The following IL1RAPL1 variants were observed in gnomAD, a reference collection of about 807,000 sequenced individuals.
IL1RAPL1 encodes interleukin 1 receptor accessory protein like 1.
IL1RAPL1 carries 3 observed loss-of-function variants against 48.4 expected under a neutral mutation model. That is an observed-to-expected ratio of 0.06 (90% confidence interval 0.03 to 0.16). The LOEUF (loss-of-function observed/expected upper bound fraction) is 0.16. IL1RAPL1 is among the 10% of genes least tolerant of loss of function. IL1RAPL1 has a pLI of 1.00. For missense variants in IL1RAPL1, 349 were observed against 530.6 expected (o/e 0.66, Z 3.36); for synonymous variants, 185 against 187.7 (o/e 0.99, Z 0.12).
At chrX:28,912,188 A>C (rs772441789) in intron 2 of IL1RAPL1, among the ~76,000 whole-genome samples, 6 of 109,488 alleles carry the variant, frequency 5.5e-5, no homozygotes, top group Non-Finnish European at 9.5e-5. Flanking sequence ...AGGCAATTCA[A>C]GAAAAAGAGC....
At chrX:29,019,735 C>T (rs972644085) in intron 2 of IL1RAPL1, among the ~76,000 whole-genome samples, 1 of 111,969 alleles carries the variant, frequency 8.9e-6, no homozygotes, top group African/African-American at 3.2e-5. Flanking sequence ...GTGAATGGCT[C>T]CCCAAATTTT....
chrX:29,237,434 G>A (rs185487801), intron 2 of IL1RAPL1, among the ~76,000 whole-genome samples: 289 of 112,454 alleles, frequency 2.6e-3, no homozygotes, highest in African/African-American at 8.3e-3. Context: ...TGTCAACATG[G>A]GACCCCAGTG....
intron 3 of IL1RAPL1, among the ~76,000 whole-genome samples, chrX:29,394,874 A>C (rs755144418): frequency 8.9e-6 from 1 of 112,181 alleles, no homozygotes; most frequent in East Asian, 2.8e-4. Flanking sequence ...ATAAAGAACC[A>C]TCTAATTTTG....
At chrX:29,125,554 G>A (rs777241801) in intron 2 of IL1RAPL1, among the ~76,000 whole-genome samples, 1 of 111,932 alleles carries the variant, frequency 8.9e-6, no homozygotes, top group African/African-American at 3.2e-5. Flanking sequence ...TTTTGAAAGA[G>A]TTCAGTGATG....
At chrX:29,634,824 CAG>C (rs748879426) in intron 5 of IL1RAPL1, among the ~76,000 whole-genome samples, 8 of 111,840 alleles carry the variant, frequency 7.2e-5, no homozygotes, top group Non-Finnish European at 1.3e-4. Context: ...TTGTAAAAGA[CAG>C]AGATTTTTTA....
rs1190961270 is a variant in IL1RAPL1, at chrX:29,802,979, A to G, written c.779-114485A>G. 8.7e-5 allele frequency among the ~76,000 whole-genome samples: 7 copies of G among 80,475 alleles called. 1 individual carries two copies. The highest frequency in any genetic ancestry group is 4.0e-4 in the East Asian group (1 of 2,523). The allele number at this position is 80,475 out of a possible 115,157, so 69.9% of individuals were successfully genotyped here. A position where few individuals can be genotyped will look rare whatever the true frequency, so the allele number is the denominator to read the frequency against. ...TGTATACATGTGTACATATATACATACATGTGTACATATATATGTATGCAT... is the reference window on the plus strand; with the variant it reads ...TGTATACATGTGTACATATATACATGCATGTGTACATATATATGTATGCAT... On this transcript the variant is annotated intron_variant, in intron 6 of 10. Coordinates refer to ENST00000378993, the MANE Select transcript of IL1RAPL1 (RefSeq NM_014271.4).
chrX:28,693,656 A>G (rs1381564573), intron 1 of IL1RAPL1, among the ~76,000 whole-genome samples: 1 of 112,166 alleles, frequency 8.9e-6, no homozygotes, highest in Non-Finnish European at 1.9e-5. Context: ...ATTTTCTTCT[A>G]CTGAATTGAG....
intron 6 of IL1RAPL1, among the ~76,000 whole-genome samples, chrX:29,695,107 G>A (rs533713083): frequency 1.8e-5 from 2 of 111,783 alleles, no homozygotes; most frequent in South Asian, 7.5e-4. Context: ...TCACCTTTAG[G>A]TCTAACTATG....
At chrX:29,350,613 C>T (rs1424950064) in intron 3 of IL1RAPL1, among the ~76,000 whole-genome samples, 2 of 24 alleles carry the variant, frequency 0.083, no homozygotes, top group Admixed American at 0.5. Context: ...CGTGTGCATG[C>T]GTGCACACCA....
At chrX:28,622,207 T>C (rs1341586537) in intron 1 of IL1RAPL1, among the ~76,000 whole-genome samples, 1 of 112,231 alleles carries the variant, frequency 8.9e-6, no homozygotes, top group Non-Finnish European at 1.9e-5. Flanking sequence ...ATGATTTTGA[T>C]GATCTAGAAT....
intron 1 of IL1RAPL1, among the ~76,000 whole-genome samples, chrX:28,687,815 G>C (rs1461630428): frequency 1.9e-5 from 2 of 105,236 alleles, no homozygotes; most frequent in Non-Finnish European, 3.9e-5. Flanking sequence ...TAAAATATGG[G>C]GGCAGGGGGT....
chrX:29,084,911 C>G lies in IL1RAPL1; in HGVS notation c.83-198027C>G, dbSNP rs1467075580. On this transcript the variant is annotated intron_variant, in intron 2 of 10. Transcript: ENST00000378993. The stretch of plus-strand genomic sequence containing the variant: ...TTTCGCCATGTTGGGCAGGCTGGTC[C>G]CGAACTCCTGACCTCAGGTGATCCA... Among the ~76,000 whole-genome samples, 8 of 111,571 alleles carry G rather than the reference C, an allele frequency of 7.2e-5. No individual in the cohort carries two copies. In the Admixed American group the frequency reaches 7.6e-4, roughly 11 times the overall value.
chrX:29,236,592 AC>A (rs1931308640), intron 2 of IL1RAPL1, among the ~76,000 whole-genome samples: 1 of 82,546 alleles, frequency 1.2e-5, no homozygotes, highest in Non-Finnish European at 2.1e-5. Flanking sequence ...TTGCTCTGTC[AC>A]CCAGGCTGGA....
At chrX:29,034,442 T>C (rs1325865904) in intron 2 of IL1RAPL1, among the ~76,000 whole-genome samples, 1 of 112,216 alleles carries the variant, frequency 8.9e-6, no homozygotes, top group East Asian at 2.8e-4. Context: ...TACTTGTTTT[T>C]AACTTAAGCT....
intron 2 of IL1RAPL1, among the ~76,000 whole-genome samples, chrX:29,266,868 GT>G (rs980381287): frequency 2.7e-5 from 3 of 111,441 alleles, no homozygotes; most frequent in Admixed American, 9.6e-5. Flanking sequence ...TAAGCCTTTT[GT>G]TTATACTCAG....
chrX:28,990,313 A>G (rs1313756410), intron 2 of IL1RAPL1, among the ~76,000 whole-genome samples: 1 of 112,015 alleles, frequency 8.9e-6, no homozygotes, highest in African/African-American at 3.2e-5. Context: ...GAACATATCT[A>G]GAATAAGCTT....
chrX:29,181,609 AC>A (rs981187709), intron 2 of IL1RAPL1, among the ~76,000 whole-genome samples: 8 of 111,881 alleles, frequency 7.2e-5, no homozygotes, highest in African/African-American at 2.6e-4. Flanking sequence ...ACTATGTACC[AC>A]ATACTCTTTT....
chrX:29,305,426 A>G (rs1318075567), intron 3 of IL1RAPL1, among the ~76,000 whole-genome samples: 1 of 112,260 alleles, frequency 8.9e-6, no homozygotes, highest in African/African-American at 3.2e-5. Flanking sequence ...TCTTGAGAAC[A>G]CCAAGGACAG....
At chrX:29,094,351 A>G (rs958183998) in intron 2 of IL1RAPL1, among the ~76,000 whole-genome samples, 7 of 111,726 alleles carry the variant, frequency 6.3e-5, no homozygotes, top group Admixed American at 1.9e-4. Flanking sequence ...GAAATTTACA[A>G]TGAGTGCCTT....
Sources: allele counts gnomAD v4.1 joint callset (sites outside exome capture counted in the v4.1 genomes callset), GRCh38; gene constraint gnomAD v4.1.1; transcripts MANE v1.5; gene names NCBI Gene and HGNC (gene_info 2026-07-23, HGNC 2026-07-21).